The following PCDHA8 variants were observed in gnomAD, a reference collection of about 807,000 sequenced individuals.
PCDHA8 encodes protocadherin alpha-8.
Under a neutral mutation model 61.8 loss-of-function variants are expected in PCDHA8, and 53 were observed. The observed-to-expected ratio is 0.86, with a 90% CI of 0.69 to 1.08. The LOEUF is 1.08. Ranked by LOEUF, PCDHA8 falls within the 50% of genes least tolerant of loss-of-function variation. PCDHA8 has a pLI of 0.00. For missense variants in PCDHA8, 1,293 were observed against 1,245.0 expected, an observed-to-expected ratio of 1.04 and a Z score of -0.58; for synonymous variants, 618 against 556.6, an observed-to-expected ratio of 1.11 and a Z score of -1.55.
chr5:140,886,565 C>T (rs1298575680), intron 1 of PCDHA8, among the ~76,000 whole-genome samples: 1 of 152,100 alleles, frequency 6.6e-6, no homozygotes, highest in Admixed American at 6.5e-5. Flanking sequence ...CGGTGGCTCA[C>T]GCCTGTAATC....
chr5:140,912,241 T>C (rs939016891), intron 1 of PCDHA8, among the ~76,000 whole-genome samples: 1 of 152,164 alleles, frequency 6.6e-6, no homozygotes, highest in African/African-American at 2.4e-5. Flanking sequence ...GACTCAAATG[T>C]TAATCTCCTT....
intron 1 of PCDHA8, chr5:140,871,022 A>G (rs2052630009): frequency 6.2e-7 from 1 of 1,613,114 alleles, no homozygotes; most frequent in African/African-American, 1.3e-5. Context: ...GACGAGGCAG[A>G]CTCGCCGCGC....
chr5:140,915,615 A>C (rs948306385), intron 1 of PCDHA8, among the ~76,000 whole-genome samples: 5 of 142,332 alleles, frequency 3.5e-5, no homozygotes, highest in Admixed American at 7.1e-5. Flanking sequence ...TCTGTCAAAC[A>C]GTCTCTTTCT....
chr5:140,927,172 G>C (rs782548172), intron 1 of PCDHA8: 2 of 1,614,034 alleles, frequency 1.2e-6, no homozygotes, highest in African/African-American at 2.7e-5. Flanking sequence ...AGCTGCCTGC[G>C]TCTTGACCTA....
intron 1 of PCDHA8, chr5:140,869,639 C>T: frequency 6.2e-7 from 1 of 1,613,534 alleles, no homozygotes; most frequent in Non-Finnish European, 8.5e-7. Context: ...GAGTATTTTT[C>T]TTTAGATTCA....
chr5:140,865,500 G>A (rs1485481097), intron 1 of PCDHA8: 1 of 152,176 alleles, frequency 6.6e-6, no homozygotes, highest in Non-Finnish European at 1.5e-5. Flanking sequence ...GGAAAACCCT[G>A]TCCTACTTTA....
chr5:140,864,096 T>C (rs1459291547), intron 1 of PCDHA8: 1 of 152,506 alleles, frequency 6.6e-6, no homozygotes, highest in Non-Finnish European at 1.5e-5. Flanking sequence ...TTGATAAGTA[T>C]AATGATAATA....
chr5:141,010,377 G>A lies in PCDHA8; in HGVS notation c.*440G>A. 1 of 1,444,554 alleles carries A rather than the reference G, an allele frequency of 6.9e-7. No individual in the cohort carries two copies. The highest frequency in any genetic ancestry group is 1.4e-5 in the South Asian group (1 of 71,996). The allele number at this position is 1,444,554 out of a possible 1,614,324, so 89.5% of individuals were successfully genotyped here. ...GGCTACCGCGGGTATGCGAGTGCCA[G>A]ATATTGGCTGAGACGAGCCAGCTTA... On this transcript the variant is annotated 3_prime_UTR_variant, in exon 4 of 4. Transcript: ENST00000531613.
chr5:140,869,125 G>T (rs371936789), intron 1 of PCDHA8: 4 of 1,611,550 alleles, frequency 2.5e-6, no homozygotes, highest in East Asian at 4.5e-5. Context: ...TCAGAGAAGG[G>T]GATTGGGCAC....
intron 1 of PCDHA8, chr5:140,929,259 G>A (rs782558603): frequency 4.7e-5 from 76 of 1,612,754 alleles, no homozygotes; most frequent in Non-Finnish European, 6.2e-5. Context: ...GGGTAGGACT[G>A]AATTTGCCAA....
chr5:140,928,100 T>C (rs1458420006), intron 1 of PCDHA8: 1 of 1,614,090 alleles, frequency 6.2e-7, no homozygotes, highest in African/African-American at 1.3e-5. Context: ...GATGGGCCCC[T>C]GGACCGGGAG....
chr5:140,919,335 G>A (rs1347619989), intron 1 of PCDHA8, among the ~76,000 whole-genome samples: 2 of 152,122 alleles, frequency 1.3e-5, no homozygotes, highest in African/African-American at 4.8e-5. Context: ...CTTTCAATCT[G>A]TTTGTATCTT....
In PCDHA8 at chr5:140,852,860, T is replaced by C. The variant is rs2150523334; in HGVS notation, c.2394+9145T>C. On this transcript the variant is annotated intron_variant, in intron 1 of 3. Transcript: ENST00000531613. ...GAGCTAGTACTTACTAAGCATTTAC[T>C]ATGTCATCAATAATCATAAAACGTA... is the stretch of plus-strand genomic sequence containing the variant. 26 of 961,500 alleles carry C rather than the reference T, an allele frequency of 2.7e-5. 2 individuals are homozygous for C. Among genetic ancestry groups the C allele is most frequent in the Admixed American group, 1.9e-4 (3 of 15,764 alleles). 59.6% of individuals were successfully genotyped at this position (961,500 alleles called of 1,614,324 possible).
rs782058694 is a variant in PCDHA8 at position 140,883,215 on chromosome 5, A to G, written c.2394+39500A>G. On this transcript the variant is annotated intron_variant, in intron 1 of 3. Coordinates refer to ENST00000531613, the MANE Select transcript of PCDHA8 (RefSeq NM_018911.3). ...CTAGATTTCGAAGAAAAGAAATTAT[A>G]TGAAATATCCGTGGAGGCAGTTGAC... 2.5e-6 allele frequency: 4 copies of G among 1,613,954 alleles called. No individual in the cohort carries two copies. Among genetic ancestry groups the G allele is most frequent in the Non-Finnish European group, 3.4e-6 (4 of 1,180,034 alleles).
chr5:140,876,726 G>T, intron 1 of PCDHA8: 1 of 1,614,264 alleles, frequency 6.2e-7, no homozygotes, highest in African/African-American at 1.3e-5. Context: ...GCGAGAGCGT[G>T]TCGGCCTATG....
intron 1 of PCDHA8, chr5:140,856,802 GA>G (rs782128453): frequency 1.3e-6 from 2 of 1,595,592 alleles, no homozygotes; most frequent in East Asian, 4.5e-5. Context: ...TAAGATGTAT[GA>G]AAATCAAGTG....
intron 1 of PCDHA8, chr5:140,848,571 G>A: frequency 6.3e-7 from 1 of 1,595,628 alleles, no homozygotes; most frequent in South Asian, 1.1e-5. Context: ...AATGTGGGTG[G>A]TGGGGAGCGG....
intron 1 of PCDHA8, chr5:140,882,621 AT>A (rs1447184799): frequency 1.2e-6 from 2 of 1,614,094 alleles, no homozygotes; most frequent in Non-Finnish European, 1.7e-6. Flanking sequence ...CAGGTTTTCC[AT>A]GTGGAGGTGA....
rs2150467909 is a variant in PCDHA8, at chr5:140,850,110, G to A, written c.2394+6395G>A. The A allele has an allele frequency of 3.1e-6, 5 of 1,596,146 alleles. No individual in the cohort carries two copies. The East Asian group carries it at 8.9e-5, about 28-fold the overall frequency. Reference sequence around the variant, plus strand: ...GCTACAGTTCCAGGTGAGCGCGCGCGACGCGGGCGTGCCGCCTCTGGGCAG... The same window carrying A: ...GCTACAGTTCCAGGTGAGCGCGCGCAACGCGGGCGTGCCGCCTCTGGGCAG... On this transcript the variant is annotated intron_variant, in intron 1 of 3. Coordinates refer to ENST00000531613, the MANE Select transcript of PCDHA8 (RefSeq NM_018911.3).
Sources: gnomAD v4.1 joint callset for allele counts (sites outside exome capture counted in the v4.1 genomes callset) on GRCh38, gnomAD v4.1.1 for gene constraint, MANE v1.5 for transcripts, NCBI Gene and HGNC (gene_info 2026-07-23, HGNC 2026-07-21) for gene names.